PDE4D: variants seen among roughly 807,000 people sequenced by gnomAD.
The protein encoded by PDE4D is 3',5'-cyclic-AMP phosphodiesterase 4D.
A neutral mutation model predicts 87.4 loss-of-function variants in PDE4D; 24 were observed. That is an observed-to-expected ratio of 0.27 (90% CI 0.20 to 0.39). PDE4D has a LOEUF of 0.39. Ranked by LOEUF, PDE4D falls within the 10% of genes least tolerant of loss-of-function variation. PDE4D has a pLI of 1.00. For synonymous variants in PDE4D, 384 were observed against 383.2 expected, an observed-to-expected ratio of 1.00 and a Z score of -0.02; for missense variants, 714 against 1,041.0, an observed-to-expected ratio of 0.69 and a Z score of 4.32.
rs1561402852 is a variant in PDE4D at position 59,649,904 on chromosome 5, C to CTTGTTTTTTTTTTTTTTTTTTT, written c.455+243263_455+243264insAAAAAAAAAAAAAAAAAAACAA. On this transcript the variant is annotated intron_variant, in intron 1 of 14. Transcript: ENST00000340635. ...TGTTAAAATGTTGATAGTTTGTGAACCTTTTTTTTTTTTTTTTTTTTTTTT... is the reference window on the plus strand; with the variant it reads ...TGTTAAAATGTTGATAGTTTGTGAACTTGTTTTTTTTTTTTTTTTTTTCTTTTTTTTTTTTTTTTTTTTTTTT... Among the ~76,000 whole-genome samples the CTTGTTTTTTTTTTTTTTTTTTT allele has an allele frequency of 1.6e-4, 12 of 73,976 alleles. 1 individual carries two copies. Among genetic ancestry groups the CTTGTTTTTTTTTTTTTTTTTTT allele is most frequent in the African/African-American group, 6.3e-4 (12 of 19,078 alleles). 48.5% of individuals were successfully genotyped at this position (73,976 alleles called of 152,430 possible).
chr5:59,985,705 G>A (rs191696930), intron 3 of PDE4D, among the ~76,000 whole-genome samples: 54 of 152,252 alleles, frequency 3.5e-4, no homozygotes, highest in African/African-American at 1.2e-3. Flanking sequence ...TAGTAAGCAT[G>A]ACATTGCTTA....
At chr5:59,988,973 T>C (rs1488967951) in intron 2 of PDE4D, among the ~76,000 whole-genome samples, 1 of 151,842 alleles carries the variant, frequency 6.6e-6, no homozygotes, top group Non-Finnish European at 1.5e-5. Flanking sequence ...TCTTAGAATT[T>C]ATTAGCTTTG....
intron 3 of PDE4D, among the ~76,000 whole-genome samples, chr5:59,963,251 A>G (rs1318804878): frequency 6.6e-6 from 1 of 152,162 alleles, no homozygotes; most frequent in Non-Finnish European, 1.5e-5. Context: ...GTCCTCAACA[A>G]AAATCTCAGA....
intron 1 of PDE4D, among the ~76,000 whole-genome samples, chr5:59,364,303 G>A (rs1782697031): frequency 6.6e-6 from 1 of 152,104 alleles, no homozygotes; most frequent in African/African-American, 2.4e-5. Flanking sequence ...TCCCAAGTTT[G>A]GAAAGTGCTA....
intron 1 of PDE4D, among the ~76,000 whole-genome samples, chr5:59,671,323 C>G (rs2150329791): frequency 6.6e-6 from 1 of 152,254 alleles, no homozygotes; most frequent in Non-Finnish European, 1.5e-5. Flanking sequence ...ATAGTAACTT[C>G]TCTACCTTAA....
chr5:59,703,857 C>A lies in PDE4D; in HGVS notation c.455+189311G>T, dbSNP rs376318666. Among the ~76,000 whole-genome samples, 15 of 152,172 alleles carry A rather than the reference C, an allele frequency of 9.9e-5. 1 individual carries two copies. Among genetic ancestry groups the A allele is most frequent in the East Asian group, 3.9e-4 (2 of 5,162 alleles). On this transcript the variant is annotated intron_variant, in intron 1 of 14. Coordinates refer to ENST00000340635, the MANE Select transcript of PDE4D (RefSeq NM_001104631.2). Reference sequence around the variant, plus strand: ...TGAATCATCATCTAATATTTGCCTGCTATTATGACAGGTCCTGAGGGAACC... The same window carrying A: ...TGAATCATCATCTAATATTTGCCTGATATTATGACAGGTCCTGAGGGAACC...
intron 1 of PDE4D, among the ~76,000 whole-genome samples, chr5:60,284,067 A>G (rs1752193523): frequency 6.6e-6 from 1 of 152,204 alleles, no homozygotes. Flanking sequence ...TTGATATGGT[A>G]AAACTGCAAT....
At chr5:60,158,636 C>T (rs1782198759) in intron 2 of PDE4D, among the ~76,000 whole-genome samples, 2 of 152,378 alleles carry the variant, frequency 1.3e-5, no homozygotes, top group Admixed American at 1.3e-4. Flanking sequence ...AATCTCGGCT[C>T]ACTGCAAGCT....
At chr5:59,465,483 C>T (rs1351210752) in intron 1 of PDE4D, among the ~76,000 whole-genome samples, 1 of 152,144 alleles carries the variant, frequency 6.6e-6, no homozygotes, top group Admixed American at 6.5e-5. Context: ...TATAAAATCT[C>T]CTGGTACTGT....
At chr5:59,573,856 G>C (rs1189863290) in intron 1 of PDE4D, among the ~76,000 whole-genome samples, 1 of 150,348 alleles carries the variant, frequency 6.7e-6, no homozygotes, top group Non-Finnish European at 1.5e-5. Context: ...AAATTAGCTG[G>C]GTGTGGCAGC....
At chr5:59,791,015 A>T (rs572163255) in intron 1 of PDE4D, among the ~76,000 whole-genome samples, 2 of 152,330 alleles carry the variant, frequency 1.3e-5, no homozygotes, top group East Asian at 3.9e-4. Flanking sequence ...CTTCCTAAGA[A>T]AGAGAATGCG....
chr5:59,300,499 G>A (rs769791144), intron 1 of PDE4D, among the ~76,000 whole-genome samples: 16 of 152,048 alleles, frequency 1.1e-4, no homozygotes, highest in African/African-American at 1.7e-4. Flanking sequence ...AGGTTTGACC[G>A]TCTTAAATAA....
At chr5:60,160,952 A>G in intron 2 of PDE4D, 2 of 305,554 alleles carry the variant, frequency 6.5e-6, no homozygotes, top group South Asian at 5.5e-5. Flanking sequence ...ACTTCAAAAC[A>G]GAGACCAGGT....
At chr5:59,311,757 C>T (rs544175526) in intron 1 of PDE4D, among the ~76,000 whole-genome samples, 80 of 152,178 alleles carry the variant, frequency 5.3e-4, no homozygotes, top group Admixed American at 2.6e-4. Flanking sequence ...TACCATTCTC[C>T]GGCTAGACCT....
chr5:59,896,326 C>T (rs1469110435), upstream of PDE4D, among the ~76,000 whole-genome samples: 1 of 152,020 alleles, frequency 6.6e-6, no homozygotes, highest in Admixed American at 6.6e-5. Flanking sequence ...ATCAGCAGTT[C>T]CCAGTCTTGG....
intron 5 of PDE4D, among the ~76,000 whole-genome samples, chr5:59,073,520 T>TGGG (rs1765209385): frequency 1.2e-5 from 1 of 83,886 alleles, no homozygotes. Context: ...GGGGGGCGGG[T>TGGG]GGTTGGAGAT....
At chr5:60,233,817 A>G (rs1215275211) in intron 1 of PDE4D, among the ~76,000 whole-genome samples, 2 of 151,848 alleles carry the variant, frequency 1.3e-5, no homozygotes, top group East Asian at 3.9e-4. Context: ...TGAGACACAG[A>G]GAAATTAAGA....
chr5:59,556,195 C>T (rs1276464201), intron 1 of PDE4D, among the ~76,000 whole-genome samples: 1 of 152,152 alleles, frequency 6.6e-6, no homozygotes, highest in African/African-American at 2.4e-5. Context: ...TGTCACACTG[C>T]ACTACTAGTG....
At chr5:59,162,331 C>G (rs1489615300) in intron 5 of PDE4D, among the ~76,000 whole-genome samples, 1 of 152,108 alleles carries the variant, frequency 6.6e-6, no homozygotes, top group African/African-American at 2.4e-5. Context: ...TAATCCTCTT[C>G]TTTTCACATT....
Sources: gnomAD v4.1 joint callset for allele counts (sites outside exome capture counted in the v4.1 genomes callset) on GRCh38, gnomAD v4.1.1 for gene constraint, MANE v1.5 for transcripts, NCBI Gene and HGNC (gene_info 2026-07-23, HGNC 2026-07-21) for gene names.